The following SSR4 variants were observed in gnomAD, a reference collection of about 807,000 sequenced individuals.
The protein encoded by SSR4 is translocon-associated protein subunit delta.
For missense variants in SSR4, 125 were observed against 148.8 expected (o/e 0.84, Z 0.83); for synonymous variants, 84 against 65.6 (o/e 1.28, Z -1.35).
At position 153,798,044 on chromosome X, in the gene SSR4, AGCACCTCCCTT is replaced by A. The variant is rs782027067; in HGVS notation, c.352-12_352-2del. 5 of 598,326 alleles carry A rather than the reference AGCACCTCCCTT, an allele frequency of 8.4e-6. No homozygotes were observed. Among genetic ancestry groups the A allele is most frequent in the Non-Finnish European group, 1.1e-5 (5 of 460,715 alleles). The allele number at this position is 598,326 out of a possible 1,213,427, so 49.3% of individuals were successfully genotyped here. On this transcript the variant is annotated splice_polypyrimidine_tract_variant and intron_variant, in intron 4 of 5. Transcript: ENST00000370086. ...CCACACGCCAGGCACCCCTGACCCCAGCACCTCCCTTGCACCTCCCTTGCAGGCTCAGAGGA... is the reference window on the plus strand; with the variant it reads ...CCACACGCCAGGCACCCCTGACCCCAGCACCTCCCTTGCAGGCTCAGAGGA...
At chrX:153,796,722 C>T in intron 2 of SSR4, 170 bp downstream of exon 2, 1 of 460,797 alleles carries the variant, frequency 2.2e-6, no homozygotes, top group Admixed American at 3.3e-5. Flanking sequence ...GGTCACCTTC[C>T]TCACCTGCTT....
At chrX:153,796,221 T>G (rs1163004190) in intron 1 of SSR4, 7 of 410,895 alleles carry the variant, frequency 1.7e-5, no homozygotes, top group Non-Finnish European at 2.5e-5. Flanking sequence ...GCCTTGCCCC[T>G]CCCCAGCCTT....
chrX:153,798,000 T>TGCCCCCCC, intron 4 of SSR4, 71 bp from the exon 5 acceptor site: 34 of 703,904 alleles, frequency 4.8e-5, no homozygotes, highest in South Asian at 6.6e-5. Context: ...TACCTGTCTT[T>TGCCCCCCC]CCCCTCCCCT....
chrX:153,797,301 GA>G, intron 2 of SSR4, 156 bp from the exon 3 acceptor site: 1 of 480,729 alleles, frequency 2.1e-6, no homozygotes, highest in South Asian at 3.0e-5. Context: ...CCAGTCACGG[GA>G]TTGGTGAGTG....
intron 1 of SSR4, chrX:153,795,966 CG>C: frequency 2.1e-6 from 1 of 470,103 alleles, no homozygotes; most frequent in Non-Finnish European, 2.6e-6. Flanking sequence ...GTCAACTGGC[CG>C]GGGGCAGAGA....
At chrX:153,797,204 A>G in intron 2 of SSR4, 1 of 399,697 alleles carries the variant, frequency 2.5e-6, no homozygotes, top group Non-Finnish European at 4.4e-6. Context: ...GCCCCTGCTC[A>G]CAGTCAACAG....
Position 153,798,463 on chromosome X carries a change from C to T in SSR4, c.*30C>T, listed in dbSNP as rs1167669460. 1.8e-6 allele frequency: 2 copies of T among 1,126,130 alleles called. No individual in the cohort carries two copies. The highest frequency in any genetic ancestry group is 3.2e-5 in the East Asian group (1 of 30,889). 92.8% of individuals were successfully genotyped at this position (1,126,130 alleles called of 1,213,427 possible). A position where few individuals can be genotyped will look rare whatever the true frequency, so the allele number is the denominator to read the frequency against. ...GGCACCCCAGCCCTGCCCTTGCTTC[C>T]TTCAATAAACATCACAGGACCTGGG... On this transcript the variant is annotated 3_prime_UTR_variant, in exon 6 of 6. Coordinates refer to ENST00000370086, the MANE Select transcript of SSR4 (RefSeq NM_006280.3).
Position 153,796,112 on chromosome X carries a change from G to A in SSR4, c.68-322G>A, listed in dbSNP as rs1415622677. The A allele has an allele frequency of 3.0e-5, 7 of 233,461 alleles. No homozygotes were observed. In the Admixed American group the frequency reaches 4.6e-4, roughly 15 times the overall value. The allele number at this position is 233,461 out of a possible 1,213,427, so 19.2% of individuals were successfully genotyped here. A position where few individuals can be genotyped will look rare whatever the true frequency, so the allele number is the denominator to read the frequency against. On this transcript the variant is annotated intron_variant, in intron 1 of 5. Coordinates refer to ENST00000370086, the MANE Select transcript of SSR4 (RefSeq NM_006280.3). ...GAATTGAGGCTGGCGTGGCCCCCGG[G>A]CCTCCGTGTCATAGGTCCAAGTGTT...
At position 153,796,529 on chromosome X, in the gene SSR4, C is replaced by G. The variant is rs1557072540; in HGVS notation, c.163C>G (p.Leu55Val). The G allele has an allele frequency of 8.3e-7, 1 of 1,205,671 alleles. No homozygotes were observed. ...TETVFIVEISLTCKNRVQNMA... is the reference protein window; with the variant it reads ...TETVFIVEISVTCKNRVQNMA... The stretch of plus-strand genomic sequence containing the variant: ...GACCGTCTTCATTGTGGAGATCTCC[C>G]TGACATGCAAGAACAGGGTCCAGGT... The change falls in exon 2 of 6, where the codon CTG becomes GTG. Residue 55 changes from leucine to valine, a missense_variant. Coordinates refer to ENST00000370086, the MANE Select transcript of SSR4 (RefSeq NM_006280.3).
chrX:153,797,223 T>C, intron 2 of SSR4: 1 of 419,836 alleles, frequency 2.4e-6, no homozygotes, highest in South Asian at 3.6e-5. Context: ...AGGGTTCCTA[T>C]GCGTCCAGTT....
upstream of SSR4, chrX:153,794,656 C>T (rs782678482): frequency 1.7e-6 from 2 of 1,210,673 alleles, no homozygotes; most frequent in South Asian, 1.8e-5. Flanking sequence ...CATGGGAGCT[C>T]GTTTTCTTTT....
chrX:153,796,513 C>T lies in SSR4; in HGVS notation c.147C>T (p.Phe49=). ...SDAVISTETV[F]IVEISLTCKN... ...CTGTCATTTCCACTGAGACCGTCTTCATTGTGGAGATCTCCCTGACATGCA... is the reference window on the plus strand; with the variant it reads ...CTGTCATTTCCACTGAGACCGTCTTTATTGTGGAGATCTCCCTGACATGCA... Residue 49 remains phenylalanine (F), a synonymous_variant, in exon 2 of 6, where the codon TTC becomes TTT. Coordinates refer to ENST00000370086, the MANE Select transcript of SSR4 (RefSeq NM_006280.3). 8.3e-7 allele frequency: 1 copy of T among 1,210,496 alleles called. No homozygotes were observed. Among genetic ancestry groups the T allele is most frequent in the East Asian group, 3.0e-5 (1 of 33,834 alleles).
At position 153,798,474 on chromosome X, in the gene SSR4, A is replaced by G. The variant is rs1557073420; in HGVS notation, c.*41A>G. ...CCTGCCCTTGCTTCCTTCAATAAAC[A>G]TCACAGGACCTGGGACTGCACAGGA... On this transcript the variant is annotated 3_prime_UTR_variant, in exon 6 of 6. Coordinates refer to ENST00000370086, the MANE Select transcript of SSR4 (RefSeq NM_006280.3). 5 of 1,105,957 alleles carry G rather than the reference A, an allele frequency of 4.5e-6. No homozygotes were observed. The highest frequency in any genetic ancestry group is 3.6e-5 in the African/African-American group (2 of 55,097). 91.1% of individuals were successfully genotyped at this position (1,105,957 alleles called of 1,213,427 possible). A position where few individuals can be genotyped will look rare whatever the true frequency, so the allele number is the denominator to read the frequency against.
chrX:153,796,322 A>T (rs1170037961), intron 1 of SSR4, 112 bp from the exon 2 acceptor site: 21 of 522,865 alleles, frequency 4.0e-5, no homozygotes, highest in Non-Finnish European at 6.6e-5. Flanking sequence ...GGGCAGGAAG[A>T]GCGCATGGGT....
rs781990201 is a variant in SSR4, at chrX:153,798,380, G to A, written c.469G>A (p.Gly157Ser). The change falls in exon 6 of 6, where the codon GGC becomes AGC. Residue 157 changes from glycine (G) to serine (S), a missense_variant. Physicochemically the swap from Gly to Ser is moderately conservative, Grantham distance 56. Coordinates refer to ENST00000370086, the MANE Select transcript of SSR4 (RefSeq NM_006280.3). Reference protein sequence around the residue: ...VSTEVLAAAIGLVIYYLAFSA... With the variant: ...VSTEVLAAAISLVIYYLAFSA... ...CACTGAGGTGCTGGCTGCGGCGATC[G>A]GCCTTGTGATCTACTACTTGGCCTT... 8.3e-7 allele frequency: 1 copy of A among 1,204,213 alleles called. No individual in the cohort carries two copies. Among genetic ancestry groups the A allele is most frequent in the Non-Finnish European group, 1.1e-6 (1 of 891,682 alleles).
chrX:153,794,900 G>T (rs1244730531), intron 1 of SSR4, 146 bp downstream of exon 1: 10 of 686,976 alleles, frequency 1.5e-5, no homozygotes, highest in Admixed American at 3.9e-5. Flanking sequence ...GCCTTGGGAC[G>T]GGGGGACCAA....
intron 1 of SSR4, 29 bp from the exon 2 acceptor site, chrX:153,796,405 A>C: frequency 9.2e-7 from 1 of 1,084,669 alleles, no homozygotes; most frequent in Non-Finnish European, 1.3e-6. Context: ...AGCTGGCCTT[A>C]CCCAGGCATC....
rs1557072863 is a variant in SSR4, at chrX:153,797,525, G to A, written c.254G>A (p.Arg85His). The A allele has an allele frequency of 5.8e-6, 7 of 1,208,414 alleles. No individual in the cohort carries two copies. The Admixed American group carries it at 8.7e-5, about 15-fold the overall frequency. Residue 85 changes from arginine to histidine, a missense_variant, in exon 3 of 6, where the codon CGT becomes CAT. Transcript: ENST00000370086. ...FPVTRGQDVG[R>H]YQVSWSLDHK... ...GTCACTCGAGGCCAGGATGTGGGGC[G>A]TTATCAGGTGAGGGGCCAATGGTTC...
upstream of SSR4, chrX:153,794,604 C>G: frequency 8.3e-7 from 1 of 1,200,033 alleles, no homozygotes; most frequent in Non-Finnish European, 1.1e-6. Context: ...TTGGCTGCCG[C>G]TGCCACTTAC....
Sources: allele counts gnomAD v4.1 joint callset, GRCh38; gene constraint gnomAD v4.1.1; transcripts MANE v1.5; gene names NCBI Gene and HGNC (gene_info 2026-07-23, HGNC 2026-07-21).